NKAIN2: variants seen among roughly 807,000 people sequenced by gnomAD.
NKAIN2 encodes sodium/potassium-transporting ATPase subunit beta-1-interacting protein 2.
Under a neutral mutation model 32.6 loss-of-function variants are expected in NKAIN2, and 14 were observed. The observed-to-expected ratio is 0.43, with a 90% confidence interval of 0.28 to 0.67. NKAIN2 has a LOEUF of 0.67. Among genes scored for constraint, NKAIN2 ranks in the 30% least tolerant of loss-of-function variants. The pLI is 0.17. For missense variants in NKAIN2, 198 were observed against 258.3 expected (o/e 0.77, Z 1.60); for synonymous variants, 80 against 87.2 (o/e 0.92, Z 0.46).
chr6:124,445,187 C>T (rs1296040257), intron 3 of NKAIN2, among the ~76,000 whole-genome samples: 2 of 151,952 alleles, frequency 1.3e-5, no homozygotes, highest in Non-Finnish European at 2.9e-5. Context: ...ATAAAACTTT[C>T]TGAAAAGATA....
intron 1 of NKAIN2, among the ~76,000 whole-genome samples, chr6:124,144,379 A>G (rs1787288499): frequency 6.6e-6 from 1 of 152,196 alleles, no homozygotes; most frequent in Non-Finnish European, 1.5e-5. Flanking sequence ...ATTGCGTTTC[A>G]GTGAGAAATT....
chr6:123,912,973 G>T (rs556042024), intron 1 of NKAIN2, among the ~76,000 whole-genome samples: 1 of 152,134 alleles, frequency 6.6e-6, no homozygotes, highest in Non-Finnish European at 1.5e-5. Context: ...TCCCTAAGGC[G>T]AAACCTGTAG....
intron 1 of NKAIN2, among the ~76,000 whole-genome samples, chr6:124,021,823 C>G (rs1443143697): frequency 1.3e-5 from 2 of 152,062 alleles, no homozygotes; most frequent in African/African-American, 4.8e-5. Context: ...ATTATATTAA[C>G]TAGGTTTGCA....
chr6:124,498,351 T>G (rs1364821139), intron 3 of NKAIN2, among the ~76,000 whole-genome samples: 1 of 152,130 alleles, frequency 6.6e-6, no homozygotes, highest in Non-Finnish European at 1.5e-5. Flanking sequence ...GGAAAGGGCC[T>G]GGAAGGAAAG....
intron 1 of NKAIN2, among the ~76,000 whole-genome samples, chr6:123,897,346 C>T (rs73770300): frequency 0.071 from 10,860 of 152,112 alleles, 1,219 homozygotes; most frequent in African/African-American, 0.24. Context: ...CTGGACACAC[C>T]GAACACTGTC....
chr6:124,457,968 G>A (rs1776386310), intron 3 of NKAIN2, among the ~76,000 whole-genome samples: 1 of 151,954 alleles, frequency 6.6e-6, no homozygotes, highest in South Asian at 2.1e-4. Flanking sequence ...ATGCTAAAGA[G>A]ATTGCTTTGT....
chr6:123,978,822 A>C (rs1044780084), intron 1 of NKAIN2, among the ~76,000 whole-genome samples: 1 of 152,172 alleles, frequency 6.6e-6, no homozygotes. Context: ...TTCAATATTT[A>C]TCAGGCGAAT....
intron 4 of NKAIN2, among the ~76,000 whole-genome samples, chr6:124,787,358 G>A (rs541367214): frequency 6.6e-6 from 1 of 152,090 alleles, no homozygotes; most frequent in Non-Finnish European, 1.5e-5. Flanking sequence ...GACCCGGGAA[G>A]TAAGCAGGCA....
intron 4 of NKAIN2, among the ~76,000 whole-genome samples, chr6:124,714,861 A>C (rs1017478830): frequency 6.6e-6 from 1 of 152,154 alleles, no homozygotes; most frequent in Non-Finnish European, 1.5e-5. Context: ...CTGAAGCAAG[A>C]AGCAGGTATG....
At chr6:123,869,450 G>A (rs781049575) in intron 1 of NKAIN2, among the ~76,000 whole-genome samples, 7 of 152,128 alleles carry the variant, frequency 4.6e-5, no homozygotes, top group Non-Finnish European at 8.8e-5. Context: ...ACTGTGAATT[G>A]ATTTGAAAGC....
intron 1 of NKAIN2, among the ~76,000 whole-genome samples, chr6:124,023,351 A>T (rs9491048): frequency 0.05 from 7,576 of 151,912 alleles, 641 homozygotes; most frequent in African/African-American, 0.17. Context: ...ACTTTTTCTA[A>T]TACTCCTTCA....
chr6:124,395,781 GAATA>G (rs1165761666), intron 3 of NKAIN2, among the ~76,000 whole-genome samples: 1 of 152,012 alleles, frequency 6.6e-6, no homozygotes, highest in African/African-American at 2.4e-5. Context: ...GGAAGCATTT[GAATA>G]AATAGTTGCT....
intron 1 of NKAIN2, among the ~76,000 whole-genome samples, chr6:123,895,628 G>C (rs1774244127): frequency 1.3e-5 from 2 of 152,192 alleles, no homozygotes; most frequent in African/African-American, 4.8e-5. Flanking sequence ...ACTGTAACTA[G>C]GGTGGGGAGT....
chr6:124,304,034 A>C (rs1796408584), intron 2 of NKAIN2, among the ~76,000 whole-genome samples: 1 of 152,212 alleles, frequency 6.6e-6, no homozygotes, highest in Admixed American at 6.5e-5. Context: ...TGATGGCTTT[A>C]GTTTAGAAAT....
intron 1 of NKAIN2, among the ~76,000 whole-genome samples, chr6:124,219,611 T>G (rs2114690030): frequency 6.6e-6 from 1 of 152,140 alleles, no homozygotes; most frequent in East Asian, 1.9e-4. Flanking sequence ...GATTCAAGAA[T>G]CTGTTAAGTG....
At chr6:124,154,457 ATTAAG>A (rs925649399) in intron 1 of NKAIN2, among the ~76,000 whole-genome samples, 14 of 151,918 alleles carry the variant, frequency 9.2e-5, no homozygotes, top group East Asian at 1.9e-4. Context: ...GTCACCTGAT[ATTAAG>A]TTAAGTAGAT....
intron 4 of NKAIN2, among the ~76,000 whole-genome samples, chr6:124,759,072 G>T (rs532749970): frequency 3.3e-5 from 5 of 152,116 alleles, no homozygotes; most frequent in Admixed American, 3.3e-4. Flanking sequence ...ATTGTACTTT[G>T]TATCATGTTG....
intron 1 of NKAIN2, among the ~76,000 whole-genome samples, chr6:124,244,759 A>C (rs1224578336): frequency 6.6e-6 from 1 of 152,064 alleles, no homozygotes; most frequent in Non-Finnish European, 1.5e-5. Context: ...GACACTTTAC[A>C]GGATACTTAA....
At chr6:124,702,297 A>G (rs1774830353) in intron 4 of NKAIN2, among the ~76,000 whole-genome samples, 1 of 152,096 alleles carries the variant, frequency 6.6e-6, no homozygotes, top group African/African-American at 2.4e-5. Flanking sequence ...AATCATAAAT[A>G]TGAAACCTTG....
Sources: allele counts gnomAD v4.1 joint callset (sites outside exome capture counted in the v4.1 genomes callset), GRCh38; gene constraint gnomAD v4.1.1; transcripts MANE v1.5; gene names NCBI Gene and HGNC (gene_info 2026-07-23, HGNC 2026-07-21).